Variants in LZIC observed in about 807,000 individuals in gnomAD.
The protein encoded by LZIC is protein LZIC.
LZIC carries 28 observed loss-of-function variants against 25.4 expected under a neutral mutation model. That is an observed-to-expected ratio of 1.10 (90% CI 0.82 to 1.51). LZIC has a LOEUF of 1.51. Ranked by LOEUF, LZIC falls within the 40% of genes most tolerant of loss-of-function variation. The pLI is 0.00. For synonymous variants in LZIC, 65 were observed against 70.7 expected, an observed-to-expected ratio of 0.92 and a Z score of 0.40; for missense variants, 170 against 211.1, an observed-to-expected ratio of 0.81 and a Z score of 1.21.
At chr1:9,934,314 GCT>G (rs1265769735) in intron 5 of LZIC, among the ~76,000 whole-genome samples, 2 of 151,896 alleles carry the variant, frequency 1.3e-5, no homozygotes, top group Admixed American at 1.3e-4. Context: ...CAAAGTCCAT[GCT>G]CTGAATCACT....
chr1:9,942,340 T>C (rs950985583), intron 2 of LZIC, among the ~76,000 whole-genome samples: 2 of 152,214 alleles, frequency 1.3e-5, no homozygotes, highest in Admixed American at 6.5e-5. Context: ...TCTCTCAGCT[T>C]TCTCAGTACC....
chr1:9,934,787 C>G lies in LZIC; in HGVS notation c.311G>C (p.Gly104Ala). 1 of 1,614,116 alleles carries G rather than the reference C, an allele frequency of 6.2e-7. No homozygotes were observed. Among genetic ancestry groups the G allele is most frequent in the Non-Finnish European group, 8.5e-7 (1 of 1,180,000 alleles). ...CTCTGCTAACCTTGTCCGAAGCTGA[C>G]CTGGTTGTTTCTTTGCAAACAATCT... ...VIRLFAKKQP[G>A]QLRTRLAEMD... The change falls in exon 5 of 8, where the codon GGT becomes GCT. Residue 104 changes from glycine (G) to alanine (A), a missense_variant. Transcript: ENST00000377223.
intron 1 of LZIC, 109 bp from the exon 2 acceptor site, chr1:9,942,891 G>A (rs1481825591): frequency 8.3e-6 from 3 of 363,564 alleles, no homozygotes; most frequent in Non-Finnish European, 1.7e-5. Context: ...CAAGGGCGGG[G>A]GCACTTTCCC....
chr1:9,924,251 C>T (rs1639926818), downstream of LZIC, among the ~76,000 whole-genome samples: 1 of 152,212 alleles, frequency 6.6e-6, no homozygotes, highest in Non-Finnish European at 1.5e-5. Context: ...CAAACCTCTA[C>T]AGGGATGCCG....
chr1:9,942,475 A>T, intron 2 of LZIC, 149 bp downstream of exon 2: 1 of 316,100 alleles, frequency 3.2e-6, no homozygotes, highest in South Asian at 2.7e-5. Flanking sequence ...TTAACCTGGT[A>T]CTACATTAGT....
chr1:9,931,618 G>T (rs1478683745), intron 7 of LZIC, among the ~76,000 whole-genome samples: 1 of 152,172 alleles, frequency 6.6e-6, no homozygotes, highest in Non-Finnish European at 1.5e-5. Flanking sequence ...TGCCCAGGCT[G>T]GTCTAGAACT....
At chr1:9,940,978 C>A (rs1242484633) in intron 2 of LZIC, among the ~76,000 whole-genome samples, 1 of 152,162 alleles carries the variant, frequency 6.6e-6, no homozygotes, top group African/African-American at 2.4e-5. Flanking sequence ...TAGTTTCCTA[C>A]AGTCTAACCA....
rs887258046 is a variant in LZIC, at chr1:9,931,921, T to G, written c.484A>C (p.Ser162Arg). 8 of 1,613,664 alleles carry G rather than the reference T, an allele frequency of 5.0e-6. No individual in the cohort carries two copies. The African/African-American group carries it at 9.3e-5, about 19-fold the overall frequency. ...TCTGTAGAGACTTTCTCAAACTGGC[T>G]GAGTATAGCACCTGCATTTGCTGAC... ...FLSANAGAIL[S>R]QFEKVSTDLG... Residue 162 changes from serine (S) to arginine (R), a missense_variant, in exon 7 of 8, where the codon AGC (serine) becomes CGC (arginine). Ser to Arg is a moderately radical substitution (Grantham distance 110). Transcript: ENST00000377223.
intron 6 of LZIC, 68 bp from the exon 7 acceptor site, chr1:9,932,040 G>C (rs959098251): frequency 8.7e-7 from 1 of 1,150,818 alleles, no homozygotes; most frequent in Non-Finnish European, 1.2e-6. Context: ...AACCAGGTAA[G>C]AATGTCTTAG....
At chr1:9,942,936 C>A in intron 1 of LZIC, 154 bp from the exon 2 acceptor site, 1 of 354,304 alleles carries the variant, frequency 2.8e-6, no homozygotes, top group Admixed American at 3.7e-5. Flanking sequence ...TTCTGAGTTT[C>A]TTCCTAGCGA....
chr1:9,926,123 G>A (rs962054848), downstream of LZIC, among the ~76,000 whole-genome samples: 1 of 151,982 alleles, frequency 6.6e-6, no homozygotes, highest in Non-Finnish European at 1.5e-5. Context: ...TCGATCTTAT[G>A]ATCTGCCCGC....
intron 2 of LZIC, among the ~76,000 whole-genome samples, chr1:9,939,369 T>C (rs11121503): frequency 0.43 from 31,852 of 74,350 alleles, 4,684 homozygotes; most frequent in East Asian, 0.54. Context: ...GCTTTTTTTT[T>C]TTTCTTTTTT....
chr1:9,930,419 C>A lies in LZIC; in HGVS notation c.553G>T (p.Val185Phe), dbSNP rs759443241. ...CCATGTCATTTTTTTGTTTTTTCAA[C>A]CTCAAAACTTGCCAGAGCAAGAATT... The part of the protein sequence containing the change: ...DKILALASFE[V>F]EKTKK Residue 185 changes from valine (V) to phenylalanine (F), a missense_variant, in exon 8 of 8, where the codon GTT (valine) becomes TTT (phenylalanine). Transcript: ENST00000377223. 4 of 1,613,464 alleles carry A rather than the reference C, an allele frequency of 2.5e-6. No homozygotes were observed. In the African/African-American group the frequency reaches 5.3e-5, roughly 22 times the overall value.
chr1:9,937,520 G>A (rs1325383587), intron 2 of LZIC, among the ~76,000 whole-genome samples: 1 of 151,762 alleles, frequency 6.6e-6, no homozygotes, highest in Non-Finnish European at 1.5e-5. Context: ...ACTCCAGCTT[G>A]GGCAACAGAG....
chr1:9,932,106 G>C (rs1318621404), intron 6 of LZIC, 134 bp from the exon 7 acceptor site: 24 of 80,966 alleles, frequency 3.0e-4, no homozygotes, highest in East Asian at 2.3e-4. Flanking sequence ...AGGCGTGGGG[G>C]GGGGGGGGGG....
At chr1:9,932,230 A>C (rs1640250061) in intron 6 of LZIC, 1 of 326,178 alleles carries the variant, frequency 3.1e-6, no homozygotes, top group African/African-American at 2.2e-5. Flanking sequence ...CTGTAATCCC[A>C]GCTACTCAGG....
downstream of LZIC, among the ~76,000 whole-genome samples, chr1:9,925,613 CAG>C (rs774381709): frequency 4.6e-5 from 7 of 151,978 alleles, no homozygotes; most frequent in South Asian, 1.5e-3. Flanking sequence ...TTTTTTGAGA[CAG>C]AGTCTCCTCT....
intron 5 of LZIC, among the ~76,000 whole-genome samples, chr1:9,933,162 G>A (rs1386299776): frequency 2.0e-5 from 3 of 149,738 alleles, no homozygotes; most frequent in East Asian, 3.9e-4. Context: ...GGCTGAGGCC[G>A]GAGAATGGTG....
intron 2 of LZIC, among the ~76,000 whole-genome samples, chr1:9,937,361 C>G (rs2101603613): frequency 6.6e-6 from 1 of 151,850 alleles, no homozygotes; most frequent in East Asian, 1.9e-4. Context: ...CCACTGCACT[C>G]CTGCCTGGGC....
Sources: allele counts gnomAD v4.1 joint callset (sites outside exome capture counted in the v4.1 genomes callset), GRCh38; gene constraint gnomAD v4.1.1; transcripts MANE v1.5; gene names NCBI Gene and HGNC (gene_info 2026-07-23, HGNC 2026-07-21).